APBB1IP: variants seen among roughly 807,000 people sequenced by gnomAD.
The protein encoded by APBB1IP is amyloid beta precursor protein binding family B member 1 interacting protein.
In APBB1IP, 27 loss-of-function variants were observed where a neutral mutation model predicts 64.9. The observed-to-expected ratio is 0.42, with a 90% CI of 0.31 to 0.57. The LOEUF is 0.57. Among genes scored for constraint, APBB1IP ranks in the 20% least tolerant of loss-of-function variants. APBB1IP has a pLI of 0.20. For synonymous variants in APBB1IP, 392 were observed against 331.0 expected (o/e 1.18, Z -2.00); for missense variants, 812 against 845.5 (o/e 0.96, Z 0.49).
chr10:26,518,203 T>C (rs1205088955), intron 8 of APBB1IP, among the ~76,000 whole-genome samples: 2 of 150,868 alleles, frequency 1.3e-5, no homozygotes, highest in African/African-American at 4.9e-5. Context: ...TCTGCCTGCC[T>C]CAGCCTCCCA....
At chr10:26,455,442 T>G (rs1835512980) in intron 2 of APBB1IP, among the ~76,000 whole-genome samples, 1 of 151,416 alleles carries the variant, frequency 6.6e-6, no homozygotes, top group Non-Finnish European at 1.5e-5. Context: ...GCAGGAGAAT[T>G]GCTTGAACCC....
At chr10:26,475,918 C>G (rs1835769909) in intron 2 of APBB1IP, among the ~76,000 whole-genome samples, 1 of 152,166 alleles carries the variant, frequency 6.6e-6, no homozygotes, top group Admixed American at 6.5e-5. Context: ...TATTCTCCAG[C>G]TTTTCATTTT....
At chr10:26,450,195 G>T (rs970500817) in intron 2 of APBB1IP, among the ~76,000 whole-genome samples, 1 of 152,146 alleles carries the variant, frequency 6.6e-6, no homozygotes, top group Non-Finnish European at 1.5e-5. Context: ...TTATTGGAAG[G>T]CTTATAAATA....
intron 11 of APBB1IP, among the ~76,000 whole-genome samples, chr10:26,553,711 A>G (rs1307050900): frequency 6.6e-6 from 1 of 152,190 alleles, no homozygotes; most frequent in African/African-American, 2.4e-5. Context: ...TTGGGGGTAC[A>G]TCGGTAAACA....
chr10:26,524,907 T>G (rs189945367), intron 8 of APBB1IP, among the ~76,000 whole-genome samples: 150 of 151,674 alleles, frequency 9.9e-4, no homozygotes, highest in African/African-American at 3.5e-3. Context: ...TGGGCAAGAT[T>G]GCATATAATC....
At chr10:26,519,962 T>C (rs1836383414) in intron 8 of APBB1IP, among the ~76,000 whole-genome samples, 1 of 152,194 alleles carries the variant, frequency 6.6e-6, no homozygotes, top group South Asian at 2.1e-4. Context: ...CCTAAAGTCT[T>C]CTTGTCTAAG....
chr10:26,566,877 A>AC, intron 14 of APBB1IP, 84 bp from the exon 15 acceptor site: 2 of 1,409,554 alleles, frequency 1.4e-6, no homozygotes, highest in South Asian at 1.3e-5. Context: ...ACAGAGTGAG[A>AC]CCCCGTCTCC....
chr10:26,462,770 T>C (rs917886355), intron 2 of APBB1IP, among the ~76,000 whole-genome samples: 5 of 152,238 alleles, frequency 3.3e-5, no homozygotes, highest in African/African-American at 1.2e-4. Context: ...TTGGAATTTC[T>C]TAAAAGCCTC....
chr10:26,510,912 C>T (rs968907204), intron 6 of APBB1IP, among the ~76,000 whole-genome samples: 5 of 152,070 alleles, frequency 3.3e-5, no homozygotes, highest in African/African-American at 1.2e-4. Flanking sequence ...CTCAGTGATA[C>T]CGTGTTAACA....
chr10:26,445,192 G>A (rs911515819), intron 2 of APBB1IP, among the ~76,000 whole-genome samples: 1 of 142,126 alleles, frequency 7.0e-6, no homozygotes, highest in African/African-American at 2.6e-5. Context: ...AAGAAAGAAA[G>A]AAAAGGGGAC....
At chr10:26,557,856 T>C (rs1836913815) in intron 11 of APBB1IP, among the ~76,000 whole-genome samples, 1 of 152,188 alleles carries the variant, frequency 6.6e-6, no homozygotes, top group Non-Finnish European at 1.5e-5. Flanking sequence ...CACGAGACCC[T>C]TTGCTTAGAA....
At chr10:26,486,362 C>G (rs115061215) in intron 2 of APBB1IP, among the ~76,000 whole-genome samples, 2,344 of 152,122 alleles carry the variant, frequency 0.015, 58 homozygotes, top group African/African-American at 0.053. Context: ...CAAGGAGAAG[C>G]CTTCTACAGG....
chr10:26,461,038 A>G (rs1835583295), intron 2 of APBB1IP, among the ~76,000 whole-genome samples: 1 of 152,132 alleles, frequency 6.6e-6, no homozygotes, highest in Non-Finnish European at 1.5e-5. Flanking sequence ...AGCCTGGGAA[A>G]CATCATTTCT....
chr10:26,563,676 T>C (rs1837003358), intron 14 of APBB1IP, among the ~76,000 whole-genome samples: 1 of 152,252 alleles, frequency 6.6e-6, no homozygotes, highest in Non-Finnish European at 1.5e-5. Flanking sequence ...GACAATAGCA[T>C]ATCACCCAGC....
At chr10:26,520,856 A>G (rs979196664) in intron 8 of APBB1IP, among the ~76,000 whole-genome samples, 1 of 152,250 alleles carries the variant, frequency 6.6e-6, no homozygotes, top group Non-Finnish European at 1.5e-5. Context: ...AGTTATGCAT[A>G]AAAGTAAAGT....
intron 10 of APBB1IP, among the ~76,000 whole-genome samples, chr10:26,538,641 C>CAAAAA (rs765081330): frequency 1.3e-5 from 1 of 77,868 alleles, no homozygotes. Context: ...GATTCCATCT[C>CAAAAA]AAAAAAAAAA....
intron 2 of APBB1IP, among the ~76,000 whole-genome samples, chr10:26,483,224 C>A (rs1353897077): frequency 1.3e-5 from 2 of 151,312 alleles, no homozygotes; most frequent in Non-Finnish European, 2.9e-5. Flanking sequence ...CTGAGGAAAA[C>A]CCACACAGAA....
intron 2 of APBB1IP, among the ~76,000 whole-genome samples, chr10:26,461,916 T>C (rs1198701285): frequency 6.6e-6 from 1 of 152,244 alleles, no homozygotes; most frequent in African/African-American, 2.4e-5. Flanking sequence ...TGTATATATT[T>C]ACTTCACATC....
At chr10:26,559,596 A>G (rs1044897717) in intron 11 of APBB1IP, among the ~76,000 whole-genome samples, 20 of 151,662 alleles carry the variant, frequency 1.3e-4, no homozygotes, top group Admixed American at 5.9e-4. Flanking sequence ...TGCTTATGAT[A>G]AATCATAAAA....
Sources: allele counts gnomAD v4.1 joint callset (sites outside exome capture counted in the v4.1 genomes callset), GRCh38; gene constraint gnomAD v4.1.1; transcripts MANE v1.5; gene names NCBI Gene and HGNC (gene_info 2026-07-23, HGNC 2026-07-21).